Variants in MEF2A observed in about 807,000 individuals in gnomAD.
MEF2A encodes myocyte-specific enhancer factor 2A.
Under a neutral mutation model 55.8 loss-of-function variants are expected in MEF2A, and 28 were observed. The observed-to-expected ratio is 0.50, with a 90% CI of 0.37 to 0.69. The LOEUF (loss-of-function observed/expected upper bound fraction) is 0.69, where lower values mean the gene tolerates loss of function less well. Ranked by LOEUF, MEF2A falls within the 30% of genes least tolerant of loss-of-function variation. The pLI is 0.00. For synonymous variants in MEF2A, 239 were observed against 227.1 expected (o/e 1.05, Z -0.47); for missense variants, 528 against 626.2 (o/e 0.84, Z 1.67).
intron 10 of MEF2A, 65 bp downstream of exon 10, chr15:99,706,920 C>A: frequency 6.6e-7 from 1 of 1,520,654 alleles, no homozygotes; most frequent in Non-Finnish European, 8.9e-7. Context: ...ACGTGTGCTT[C>A]TGTGATTTTT....
Position 99,573,007 on chromosome 15 carries a change from G to A in MEF2A, c.-225+6903G>A, listed in dbSNP as rs184147731. Among the ~76,000 whole-genome samples the A allele has an allele frequency of 6.5e-3, 982 of 152,162 alleles. 4 individuals are homozygous for A. Among genetic ancestry groups the A allele is most frequent in the Middle Eastern group, 0.034 (10 of 292 alleles). On this transcript the variant is annotated intron_variant, in intron 1 of 11. Transcript: ENST00000557942. Reference sequence around the variant, plus strand: ...GAATTGAGTAGAAGTTGTCCTAATCGGCCGGGCGCGGTGGCTCACGCCTGT... The same window carrying A: ...GAATTGAGTAGAAGTTGTCCTAATCAGCCGGGCGCGGTGGCTCACGCCTGT...
At chr15:99,619,226 C>G (rs891366465) in intron 2 of MEF2A, among the ~76,000 whole-genome samples, 2 of 152,102 alleles carry the variant, frequency 1.3e-5, no homozygotes, top group African/African-American at 4.8e-5. Context: ...TGGGGAGAGC[C>G]CTGGATCTAC....
chr15:99,644,424 C>A (rs1013932161), intron 3 of MEF2A, among the ~76,000 whole-genome samples: 8 of 152,052 alleles, frequency 5.3e-5, no homozygotes, highest in African/African-American at 1.9e-4. Flanking sequence ...TTTACATGTA[C>A]GTATTGTATC....
chr15:99,693,771 C>G (rs1462202295), intron 8 of MEF2A, among the ~76,000 whole-genome samples: 1 of 152,072 alleles, frequency 6.6e-6, no homozygotes, highest in East Asian at 1.9e-4. Context: ...GTGATCCCAG[C>G]AAAAACTCGA....
intron 4 of MEF2A, among the ~76,000 whole-genome samples, chr15:99,652,608 T>C (rs1282359529): frequency 6.6e-6 from 1 of 151,896 alleles, no homozygotes; most frequent in Admixed American, 6.6e-5. Context: ...CTGTGAAGAG[T>C]GGAATAGCTA....
Position 99,715,849 on chromosome 15 carries a change from G to GT in MEF2A, c.*3079dup, listed in dbSNP as rs1257540641. 1 of 152,296 alleles carries GT rather than the reference G, an allele frequency of 6.6e-6. No individual in the cohort carries two copies. The highest frequency in any genetic ancestry group is 1.5e-5 in the Non-Finnish European group (1 of 68,158). 9.4% of individuals were successfully genotyped at this position (152,296 alleles called of 1,614,324 possible). A position where few individuals can be genotyped will look rare whatever the true frequency, so the allele number is the denominator to read the frequency against. On this transcript the variant is annotated 3_prime_UTR_variant, in exon 12 of 12. Coordinates refer to ENST00000557942, the MANE Select transcript of MEF2A (RefSeq NM_001319206.4). ...GGAAGTCACTGTTGTGTGTACACAG[G>GT]TGGTCCCAATCAAAACTCCATCTTT... is the stretch of plus-strand genomic sequence containing the variant.
chr15:99,696,351 TG>T (rs752288995), intron 8 of MEF2A, among the ~76,000 whole-genome samples: 72 of 152,196 alleles, frequency 4.7e-4, no homozygotes, highest in Non-Finnish European at 9.0e-4. Context: ...GATCACATCC[TG>T]TGCCAGGAAA....
intron 3 of MEF2A, among the ~76,000 whole-genome samples, chr15:99,639,775 C>T (rs1331195486): frequency 6.6e-6 from 1 of 151,968 alleles, no homozygotes; most frequent in East Asian, 1.9e-4. Context: ...CTGTCTTTGT[C>T]CCTTTTTAAA....
intron 2 of MEF2A, among the ~76,000 whole-genome samples, chr15:99,606,197 G>A (rs898240472): frequency 6.6e-6 from 1 of 152,102 alleles, no homozygotes; most frequent in Non-Finnish European, 1.5e-5. Context: ...GTGATAATCT[G>A]TATGGAAAGA....
intron 2 of MEF2A, among the ~76,000 whole-genome samples, chr15:99,603,306 A>T (rs554231587): frequency 6.6e-6 from 1 of 151,612 alleles, no homozygotes; most frequent in South Asian, 2.1e-4. Context: ...ACTTTGTGTG[A>T]TGTAAGTTCT....
chr15:99,670,257 T>C (rs1031907621), intron 4 of MEF2A, among the ~76,000 whole-genome samples: 1 of 151,988 alleles, frequency 6.6e-6, no homozygotes, highest in Non-Finnish European at 1.5e-5. Flanking sequence ...TTTTGCATTA[T>C]ACTAAGAAAA....
chr15:99,678,678 T>G (rs1272842348), intron 7 of MEF2A: 2 of 984,722 alleles, frequency 2.0e-6, no homozygotes, highest in South Asian at 9.4e-5. Flanking sequence ...AGAGGCATCC[T>G]TGAGACTTTT....
intron 1 of MEF2A, among the ~76,000 whole-genome samples, chr15:99,568,149 C>T (rs1205622377): frequency 1.3e-5 from 2 of 152,124 alleles, no homozygotes; most frequent in African/African-American, 4.8e-5. Context: ...GTTAAAATTA[C>T]ACTTTACTTG....
chr15:99,650,727 G>A (rs2046722136), intron 4 of MEF2A, among the ~76,000 whole-genome samples: 1 of 152,144 alleles, frequency 6.6e-6, no homozygotes, highest in African/African-American at 2.4e-5. Flanking sequence ...AAAAGCAGAT[G>A]GTAGTGAAAG....
At chr15:99,681,654 G>A (rs1004628429) in intron 7 of MEF2A, 1 of 152,210 alleles carries the variant, frequency 6.6e-6, no homozygotes, top group African/African-American at 2.4e-5. Context: ...GACCCCATGA[G>A]CATTGCCTAT....
chr15:99,603,971 A>C (rs1009865197), intron 2 of MEF2A, among the ~76,000 whole-genome samples: 2 of 152,174 alleles, frequency 1.3e-5, no homozygotes, highest in African/African-American at 4.8e-5. Context: ...TTGATGAATT[A>C]GGTCTTTGTC....
chr15:99,638,042 T>C (rs1445662239), intron 3 of MEF2A, among the ~76,000 whole-genome samples: 1 of 152,236 alleles, frequency 6.6e-6, no homozygotes, highest in Non-Finnish European at 1.5e-5. Context: ...CATCTTTTCA[T>C]GTGCTTATTG....
chr15:99,656,525 T>C (rs1310586045), intron 4 of MEF2A, among the ~76,000 whole-genome samples: 1 of 152,124 alleles, frequency 6.6e-6, no homozygotes, highest in Non-Finnish European at 1.5e-5. Context: ...ATAGAAATGC[T>C]GGCAGCACTT....
At chr15:99,696,332 A>T (rs942597035) in intron 8 of MEF2A, among the ~76,000 whole-genome samples, 1 of 152,262 alleles carries the variant, frequency 6.6e-6, no homozygotes, top group African/African-American at 2.4e-5. Context: ...CACATGGAAC[A>T]TTCACCAAGA....
Sources: gnomAD v4.1 joint callset for allele counts (sites outside exome capture counted in the v4.1 genomes callset) on GRCh38, gnomAD v4.1.1 for gene constraint, MANE v1.5 for transcripts, NCBI Gene and HGNC (gene_info 2026-07-23, HGNC 2026-07-21) for gene names.